DLC1: variants seen among roughly 807,000 people sequenced by gnomAD.
DLC1 encodes rho GTPase-activating protein 7.
A neutral mutation model predicts 140.3 loss-of-function variants in DLC1; 54 were observed. The observed-to-expected ratio is 0.38, with a 90% CI of 0.31 to 0.48. The LOEUF is 0.48. DLC1 is among the 20% of genes least tolerant of loss of function. The pLI is 0.96. For missense variants in DLC1, 2,536 were observed against 1,907.0 expected, an observed-to-expected ratio of 1.33 and a Z score of -6.14; for synonymous variants, 986 against 728.1, an observed-to-expected ratio of 1.35 and a Z score of -5.70.
intron 5 of DLC1, among the ~76,000 whole-genome samples, chr8:13,222,759 G>T (rs55682578): frequency 0.015 from 2,353 of 152,102 alleles, 68 homozygotes; most frequent in African/African-American, 0.054. Context: ...TGTCTGTGGT[G>T]GGGGGACAGG....
chr8:13,497,492 A>G (rs1801568278), intron 2 of DLC1, among the ~76,000 whole-genome samples: 1 of 152,218 alleles, frequency 6.6e-6, no homozygotes, highest in South Asian at 2.1e-4. Flanking sequence ...TTAAGTTAGA[A>G]CTTGTAAATG....
intron 5 of DLC1, among the ~76,000 whole-genome samples, chr8:13,198,365 C>T (rs1193478916): frequency 2.6e-5 from 4 of 152,136 alleles, no homozygotes; most frequent in Non-Finnish European, 5.9e-5. Context: ...AGATGCTGAG[C>T]CGGTTCCAGA....
rs192229651 is a variant in DLC1 at position 13,118,474 on chromosome 8, T to C, written c.1349-2817A>G. 5.3e-5 allele frequency among the ~76,000 whole-genome samples: 8 copies of C among 152,292 alleles called. No homozygotes were observed. The East Asian group carries it at 1.2e-3, about 22-fold the overall frequency. ...TGAAACCATGGGAAATAGACAAGCATATGACTATTTTACCAACACAAAGAG... is the reference window on the plus strand; with the variant it reads ...TGAAACCATGGGAAATAGACAAGCACATGACTATTTTACCAACACAAAGAG... On this transcript the variant is annotated intron_variant, in intron 5 of 17. Coordinates refer to ENST00000276297, the MANE Select transcript of DLC1 (RefSeq NM_182643.3).
At chr8:13,296,389 T>C (rs985125328) in intron 5 of DLC1, among the ~76,000 whole-genome samples, 1 of 152,200 alleles carries the variant, frequency 6.6e-6, no homozygotes, top group Non-Finnish European at 1.5e-5. Context: ...AAGAGGTCAA[T>C]GGCATTGCAA....
At chr8:13,122,614 A>T (rs1821190277) in intron 5 of DLC1, among the ~76,000 whole-genome samples, 1 of 152,156 alleles carries the variant, frequency 6.6e-6, no homozygotes, top group East Asian at 1.9e-4. Flanking sequence ...GTTGCCAAAG[A>T]CTGGTTATCA....
chr8:13,451,079 A>G (rs1384852925), intron 2 of DLC1, among the ~76,000 whole-genome samples: 1 of 150,546 alleles, frequency 6.6e-6, no homozygotes, highest in African/African-American at 2.4e-5. Flanking sequence ...GAAAAAAAGA[A>G]AAAGGATAGA....
intron 1 of DLC1, among the ~76,000 whole-genome samples, chr8:13,552,485 A>T (rs931278459): frequency 2.0e-5 from 3 of 151,154 alleles, no homozygotes; most frequent in Non-Finnish European, 4.4e-5. Flanking sequence ...AAATTCTATC[A>T]TTCCCAACTA....
At position 13,333,176 on chromosome 8, in the gene DLC1, C is replaced by T. The variant is rs144932095; in HGVS notation, c.1315-27874G>A. Among the ~76,000 whole-genome samples, 1,127 of 152,242 alleles carry T rather than the reference C, an allele frequency of 7.4e-3. 15 individuals are homozygous for T. The highest frequency in any genetic ancestry group is 0.026 in the African/African-American group (1,070 of 41,538). On this transcript the variant is annotated intron_variant, in intron 4 of 17. Coordinates refer to ENST00000276297, the MANE Select transcript of DLC1 (RefSeq NM_182643.3). ...TTTTTGTAAAATATTCCCTACCTATCAATGTTATACAAGATTTTCTTTGAG... is the reference window on the plus strand; with the variant it reads ...TTTTTGTAAAATATTCCCTACCTATTAATGTTATACAAGATTTTCTTTGAG...
At chr8:13,564,237 A>G (rs1804346085) in intron 1 of DLC1, among the ~76,000 whole-genome samples, 1 of 152,234 alleles carries the variant, frequency 6.6e-6, no homozygotes, top group South Asian at 2.1e-4. Flanking sequence ...TGAGGTAAAA[A>G]CATTTTACAG....
At chr8:13,566,787 A>C (rs1286524402) in intron 1 of DLC1, 2 of 659,018 alleles carry the variant, frequency 3.0e-6, no homozygotes, top group South Asian at 2.9e-5. Context: ...AGCGCGGAGG[A>C]AAAGGCGGGA....
chr8:13,386,046 A>G (rs566687643), intron 4 of DLC1, among the ~76,000 whole-genome samples: 1 of 152,252 alleles, frequency 6.6e-6, no homozygotes, highest in East Asian at 1.9e-4. Flanking sequence ...GCCATTTTTT[A>G]TTGCCCAGAA....
At chr8:13,583,217 A>T (rs1244934111) in intron 1 of DLC1, among the ~76,000 whole-genome samples, 1 of 152,104 alleles carries the variant, frequency 6.6e-6, no homozygotes, top group Non-Finnish European at 1.5e-5. Flanking sequence ...ATTTTACCCA[A>T]AGGGGAACTG....
intron 5 of DLC1, among the ~76,000 whole-genome samples, chr8:13,225,616 A>T (rs924121072): frequency 1.1e-4 from 16 of 139,582 alleles, no homozygotes; most frequent in South Asian, 2.3e-4. Context: ...TATTTATTTA[A>T]TTTTTTTTTT....
At chr8:13,348,150 T>A (rs1283686614) in intron 4 of DLC1, among the ~76,000 whole-genome samples, 2 of 152,014 alleles carry the variant, frequency 1.3e-5, no homozygotes, top group East Asian at 3.9e-4. Context: ...AGATACCACT[T>A]GCAGGGGATT....
At chr8:13,417,451 T>C (rs1028609972) in intron 2 of DLC1, among the ~76,000 whole-genome samples, 1 of 145,946 alleles carries the variant, frequency 6.9e-6, no homozygotes, top group African/African-American at 2.5e-5. Context: ...TGAGTGAGAA[T>C]ATGTGGTGTT....
intron 4 of DLC1, among the ~76,000 whole-genome samples, chr8:13,321,450 A>G (rs958378275): frequency 2.7e-5 from 4 of 145,482 alleles, no homozygotes; most frequent in Non-Finnish European, 6.0e-5. Flanking sequence ...AGGCAGGAGA[A>G]TCGCTTGAAC....
intron 2 of DLC1, among the ~76,000 whole-genome samples, chr8:13,491,334 A>T (rs926061046): frequency 6.6e-6 from 1 of 151,864 alleles, no homozygotes. Flanking sequence ...ACTTCCTCAT[A>T]GTGACATTAC....
intron 2 of DLC1, among the ~76,000 whole-genome samples, chr8:13,439,097 T>TG (rs924361958): frequency 6.6e-6 from 1 of 151,776 alleles, no homozygotes; most frequent in Non-Finnish European, 1.5e-5. Context: ...GAGGCCAAGG[T>TG]GGGTAGATTA....
chr8:13,473,744 T>C (rs991676667), intron 2 of DLC1, among the ~76,000 whole-genome samples: 1 of 152,166 alleles, frequency 6.6e-6, no homozygotes, highest in Non-Finnish European at 1.5e-5. Context: ...TGTTATGTTT[T>C]AGCAAAGAGA....
Sources: gnomAD v4.1 joint callset for allele counts (sites outside exome capture counted in the v4.1 genomes callset) on GRCh38, gnomAD v4.1.1 for gene constraint, MANE v1.5 for transcripts, NCBI Gene and HGNC (gene_info 2026-07-23, HGNC 2026-07-21) for gene names.